Variants in PTPRD observed in about 807,000 individuals in gnomAD.
The protein encoded by PTPRD is receptor-type tyrosine-protein phosphatase delta.
In PTPRD, 34 loss-of-function variants were observed where a neutral mutation model predicts 214.5. That is an observed-to-expected ratio of 0.16 (90% confidence interval 0.12 to 0.21). The LOEUF (loss-of-function observed/expected upper bound fraction) is 0.21, where lower values mean the gene tolerates loss of function less well. Ranked by LOEUF, PTPRD falls within the 10% of genes least tolerant of loss-of-function variation. The pLI is 1.00. For synonymous variants in PTPRD, 1,128 were observed against 845.7 expected (o/e 1.33, Z -5.79); for missense variants, 2,545 against 2,398.7 (o/e 1.06, Z -1.27).
Position 9,644,064 on chromosome 9 carries a change from G to GT in PTPRD, c.-286-69284dup, listed in dbSNP as rs551380390. Among the ~76,000 whole-genome samples, 942 of 152,004 alleles carry GT rather than the reference G, an allele frequency of 6.2e-3. 8 individuals are homozygous for GT. The highest frequency in any genetic ancestry group is 0.021 in the African/African-American group (861 of 41,434). On this transcript the variant is annotated intron_variant, in intron 7 of 45. Transcript: ENST00000381196. ...CTTTTTAAAATGCTGGTCCCTCAAAGTTTTTTTTCTGTACAACTATAAGTA... is the reference window on the plus strand; with the variant it reads ...CTTTTTAAAATGCTGGTCCCTCAAAGTTTTTTTTTCTGTACAACTATAAGTA...
intron 14 of PTPRD, among the ~76,000 whole-genome samples, chr9:8,590,645 T>C (rs1355516850): frequency 6.6e-6 from 1 of 152,122 alleles, no homozygotes; most frequent in Non-Finnish European, 1.5e-5. Context: ...TTCAAACAAA[T>C]GAATGACTCA....
At chr9:8,361,445 T>C (rs1500318) in intron 39 of PTPRD, among the ~76,000 whole-genome samples, 108,431 of 152,100 alleles carry the variant, frequency 0.71, 44,175 homozygotes, top group East Asian at 0.9. Flanking sequence ...TGAAACTTCA[T>C]GCTATAAAAG....
intron 10 of PTPRD, among the ~76,000 whole-genome samples, chr9:9,069,145 A>T (rs945897507): frequency 3.9e-5 from 6 of 152,202 alleles, no homozygotes; most frequent in Non-Finnish European, 7.4e-5. Context: ...AAGGTTTCTC[A>T]AGGTGGAACT....
intron 11 of PTPRD, among the ~76,000 whole-genome samples, chr9:8,950,806 T>G (rs1422062085): frequency 1.3e-5 from 2 of 151,920 alleles, no homozygotes; most frequent in Admixed American, 1.3e-4. Context: ...AGAGGTTAGT[T>G]GAATGGTTAA....
chr9:9,801,896 T>C (rs192702536), intron 5 of PTPRD, among the ~76,000 whole-genome samples: 2 of 152,168 alleles, frequency 1.3e-5, no homozygotes, highest in Admixed American at 1.3e-4. Flanking sequence ...AAGCAGTGCT[T>C]ACAATCAGAA....
chr9:8,634,294 C>G (rs2096356886), intron 13 of PTPRD, among the ~76,000 whole-genome samples: 1 of 151,580 alleles, frequency 6.6e-6, no homozygotes, highest in South Asian at 2.1e-4. Context: ...TTATGGAGTC[C>G]TCTGTCTTTT....
intron 7 of PTPRD, among the ~76,000 whole-genome samples, chr9:9,702,458 G>C (rs997127004): frequency 6.6e-6 from 1 of 152,264 alleles, no homozygotes; most frequent in Middle Eastern, 3.4e-3. Context: ...GAAAATCCTT[G>C]CGTTTGATGG....
intron 2 of PTPRD, among the ~76,000 whole-genome samples, chr9:10,419,851 G>C (rs2098529688): frequency 6.6e-6 from 1 of 151,610 alleles, no homozygotes; most frequent in Non-Finnish European, 1.5e-5. Flanking sequence ...GTTAATACTA[G>C]AAAATTCAAT....
At position 9,370,195 on chromosome 9, in the gene PTPRD, T is replaced by G. The variant is rs200381927; in HGVS notation, c.-203+27254A>C. 1.3e-5 allele frequency among the ~76,000 whole-genome samples: 2 copies of G among 152,024 alleles called. 1 individual carries two copies. The highest frequency in any genetic ancestry group is 4.8e-5 in the African/African-American group (2 of 41,410). Reference sequence around the variant, plus strand: ...GGATGGCATTGAATCTATAAATTACTTTGGGCAGTATGGCCATTTTCACGA... The same window carrying G: ...GGATGGCATTGAATCTATAAATTACGTTGGGCAGTATGGCCATTTTCACGA... On this transcript the variant is annotated intron_variant, in intron 9 of 45. Coordinates refer to ENST00000381196, the MANE Select transcript of PTPRD (RefSeq NM_002839.4).
chr9:8,395,705 G>T (rs1272178166), intron 36 of PTPRD, among the ~76,000 whole-genome samples: 1 of 151,730 alleles, frequency 6.6e-6, no homozygotes, highest in Non-Finnish European at 1.5e-5. Context: ...TGGAGAAACA[G>T]ATGATATTCA....
At chr9:9,815,839 T>C (rs1713070941) in intron 5 of PTPRD, among the ~76,000 whole-genome samples, 2 of 152,164 alleles carry the variant, frequency 1.3e-5, no homozygotes, top group South Asian at 4.1e-4. Flanking sequence ...ACATGGTGAC[T>C]GTAGTTAGTA....
At chr9:8,548,112 T>G (rs969003408) in intron 14 of PTPRD, among the ~76,000 whole-genome samples, 1 of 152,128 alleles carries the variant, frequency 6.6e-6, no homozygotes, top group African/African-American at 2.4e-5. Flanking sequence ...GAATATAATT[T>G]TGATAGAAAT....
chr9:8,331,772 A>AAGACGCCAGGAGGATTC (rs772016677), intron 43 of PTPRD, 36 bp from the exon 44 acceptor site: 25 of 1,543,480 alleles, frequency 1.6e-5, no homozygotes, highest in Non-Finnish European at 2.2e-5. Flanking sequence ...GCCGCAAAGG[A>AAGACGCCAGGAGGATTC]AGACGCCAGG....
chr9:8,603,952 C>G (rs1564654926), intron 14 of PTPRD, among the ~76,000 whole-genome samples: 1 of 152,138 alleles, frequency 6.6e-6, no homozygotes, highest in Non-Finnish European at 1.5e-5. Flanking sequence ...ATCAACCATG[C>G]CTCAAAGTTT....
At chr9:10,338,626 G>A (rs1408739702) in intron 3 of PTPRD, among the ~76,000 whole-genome samples, 1 of 151,644 alleles carries the variant, frequency 6.6e-6, no homozygotes, top group Non-Finnish European at 1.5e-5. Flanking sequence ...CCTGGCTAAA[G>A]GAAATGTCAA....
chr9:8,338,248 A>C (rs1334797913), intron 43 of PTPRD, among the ~76,000 whole-genome samples: 1 of 152,112 alleles, frequency 6.6e-6, no homozygotes, highest in African/African-American at 2.4e-5. Flanking sequence ...ATGGGTTGAA[A>C]GTGGCCAAAG....
At chr9:8,608,395 G>A (rs751376686) in intron 14 of PTPRD, among the ~76,000 whole-genome samples, 8 of 152,130 alleles carry the variant, frequency 5.3e-5, no homozygotes, top group Non-Finnish European at 8.8e-5. Flanking sequence ...TAGGAAGAAC[G>A]AGAGGTATTT....
chr9:8,331,199 T>C (rs1351503455), intron 44 of PTPRD, among the ~76,000 whole-genome samples: 1 of 148,936 alleles, frequency 6.7e-6, no homozygotes, highest in Middle Eastern at 3.4e-3. Context: ...TTGATAGCTA[T>C]TCATGAGGTT....
At chr9:9,079,755 G>A (rs1015128492) in intron 10 of PTPRD, among the ~76,000 whole-genome samples, 2 of 152,038 alleles carry the variant, frequency 1.3e-5, no homozygotes, top group Admixed American at 1.3e-4. Flanking sequence ...CAATATGTAT[G>A]CACTTATGTA....
Sources: gnomAD v4.1 joint callset for allele counts (sites outside exome capture counted in the v4.1 genomes callset) on GRCh38, gnomAD v4.1.1 for gene constraint, MANE v1.5 for transcripts, NCBI Gene and HGNC (gene_info 2026-07-23, HGNC 2026-07-21) for gene names.